The following ZNF618 variants were observed in gnomAD, a reference collection of about 807,000 sequenced individuals.
ZNF618 encodes the protein neural precursor cell expressed, developmentally down-regulated 10.
A neutral mutation model predicts 103.0 loss-of-function variants in ZNF618; 34 were observed. That is an observed-to-expected ratio of 0.33 (90% CI 0.25 to 0.44). The LOEUF is 0.44. Ranked by LOEUF, ZNF618 falls within the 20% of genes least tolerant of loss-of-function variation. The pLI is 1.00. For missense variants in ZNF618, 1,059 were observed against 1,295.4 expected (o/e 0.82, Z 2.80); for synonymous variants, 551 against 542.2 (o/e 1.02, Z -0.23).
intron 13 of ZNF618, among the ~76,000 whole-genome samples, chr9:114,046,251 T>C (rs149079729): frequency 4.6e-5 from 7 of 152,318 alleles, no homozygotes; most frequent in African/African-American, 1.7e-4. Context: ...AATACAGTCA[T>C]GCACCACATG....
At chr9:114,030,528 C>G (rs1305344542) in intron 11 of ZNF618, among the ~76,000 whole-genome samples, 3 of 152,172 alleles carry the variant, frequency 2.0e-5, no homozygotes, top group African/African-American at 7.2e-5. Flanking sequence ...GCTTCAGTGT[C>G]TCTGAGTAGG....
rs1398432181 is a variant in ZNF618, at chr9:114,054,980, G to GT, written c.*4814dup. The GT allele has an allele frequency of 2.3e-5, 3 of 129,658 alleles. No homozygotes were observed. Among genetic ancestry groups the GT allele is most frequent in the Non-Finnish European group, 4.6e-5 (3 of 65,218 alleles). 8.0% of individuals were successfully genotyped at this position (129,658 alleles called of 1,614,324 possible). ...CCCACCACGGGTGTCGCTTTAAAGA[G>GT]TCAATTCTTGTACAGAGAAGGATTT... On this transcript the variant is annotated 3_prime_UTR_variant, in exon 15 of 15. Transcript: ENST00000374126.
intron 1 of ZNF618, among the ~76,000 whole-genome samples, chr9:113,919,814 G>A (rs1398773209): frequency 1.3e-5 from 2 of 152,248 alleles, no homozygotes; most frequent in Non-Finnish European, 2.9e-5. Flanking sequence ...GTCCAAAAAA[G>A]GGAAGTGACT....
intron 13 of ZNF618, among the ~76,000 whole-genome samples, chr9:114,041,442 T>C (rs918186110): frequency 1.6e-4 from 24 of 152,244 alleles, no homozygotes; most frequent in African/African-American, 5.3e-4. Flanking sequence ...GGTTTCCTTC[T>C]AGGGTTTTTA....
chr9:114,016,990 G>A (rs994439477), intron 10 of ZNF618: 7 of 572,950 alleles, frequency 1.2e-5, no homozygotes, highest in Non-Finnish European at 1.5e-5. Context: ...TTAAGCCAGA[G>A]CAGAGTCCGA....
chr9:113,945,165 A>G (rs1209047637), intron 1 of ZNF618, among the ~76,000 whole-genome samples: 1 of 152,078 alleles, frequency 6.6e-6, no homozygotes, highest in Non-Finnish European at 1.5e-5. Flanking sequence ...AACACCTTCC[A>G]GCCTCTGAGC....
At chr9:113,904,099 T>A (rs1017763165) in intron 1 of ZNF618, among the ~76,000 whole-genome samples, 2 of 150,620 alleles carry the variant, frequency 1.3e-5, no homozygotes, top group Non-Finnish European at 3.0e-5. Flanking sequence ...ATTTTTTCCA[T>A]CTTTTATTTT....
At chr9:113,925,672 T>C (rs1833027829) in intron 1 of ZNF618, among the ~76,000 whole-genome samples, 1 of 152,122 alleles carries the variant, frequency 6.6e-6, no homozygotes, top group African/African-American at 2.4e-5. Flanking sequence ...CAATTATTTT[T>C]TAAAAATAGT....
intron 10 of ZNF618, among the ~76,000 whole-genome samples, chr9:114,027,409 A>G (rs1450068372): frequency 6.6e-6 from 1 of 152,218 alleles, no homozygotes; most frequent in Non-Finnish European, 1.5e-5. Flanking sequence ...TGCTCCCAGC[A>G]CGTGGCCACC....
intron 13 of ZNF618, among the ~76,000 whole-genome samples, chr9:114,046,860 C>T (rs755268615): frequency 6.6e-6 from 1 of 152,180 alleles, no homozygotes; most frequent in South Asian, 2.1e-4. Context: ...TATGTTTAAT[C>T]AACTATATTC....
chr9:113,903,011 G>A (rs1274039610), intron 1 of ZNF618, among the ~76,000 whole-genome samples: 4 of 152,186 alleles, frequency 2.6e-5, no homozygotes, highest in South Asian at 2.1e-4. Context: ...TGGAATTTAG[G>A]ATAGAATGAA....
intron 1 of ZNF618, among the ~76,000 whole-genome samples, chr9:113,943,789 G>A (rs566050381): frequency 1.3e-5 from 2 of 152,264 alleles, no homozygotes; most frequent in Non-Finnish European, 2.9e-5. Flanking sequence ...CCCTGCCCTG[G>A]CCTCGGCTGT....
At chr9:114,041,690 C>A (rs945656253) in intron 13 of ZNF618, among the ~76,000 whole-genome samples, 2 of 152,078 alleles carry the variant, frequency 1.3e-5, no homozygotes, top group African/African-American at 4.8e-5. Context: ...TGGTCTATAT[C>A]TCTGTTTTGG....
chr9:114,023,909 C>T (rs1843277280), intron 10 of ZNF618, among the ~76,000 whole-genome samples: 1 of 152,070 alleles, frequency 6.6e-6, no homozygotes. Flanking sequence ...TTAGCAATTT[C>T]ATTATTTGTG....
chr9:113,886,899 T>C (rs1436332259), intron 1 of ZNF618, among the ~76,000 whole-genome samples: 4 of 151,250 alleles, frequency 2.6e-5, no homozygotes, highest in Admixed American at 1.3e-4. Flanking sequence ...CAGGTTGAAA[T>C]GATATTTTAC....
rs1179542461 is a variant in ZNF618 at position 113,951,575 on chromosome 9, ATATGTG to A, written c.34-17540_34-17535del. Among the ~76,000 whole-genome samples, 9 of 24,096 alleles carry A rather than the reference ATATGTG, an allele frequency of 3.7e-4. 2 individuals carry two copies. The highest frequency in any genetic ancestry group is 9.9e-4 in the Non-Finnish European group (9 of 9,068). The allele number at this position is 24,096 out of a possible 152,430, so 15.8% of individuals were successfully genotyped here. A position where few individuals can be genotyped will look rare whatever the true frequency, so the allele number is the denominator to read the frequency against. On this transcript the variant is annotated intron_variant, in intron 1 of 14. Coordinates refer to ENST00000374126, the MANE Select transcript of ZNF618 (RefSeq NM_001318042.2). ...TATGTGTGTGTATATGTGTGTGTGT[ATATGTG>A]TGTGTGTGTGTGTGTGTATATATAT...
chr9:114,035,383 G>A, intron 12 of ZNF618: 1 of 434,048 alleles, frequency 2.3e-6, no homozygotes, highest in Non-Finnish European at 3.1e-6. Flanking sequence ...GTGGAGGCAG[G>A]CCGAGGTCCA....
intron 2 of ZNF618, among the ~76,000 whole-genome samples, chr9:113,970,165 AAGAGAGAGCC>A (rs1437472297): frequency 6.6e-6 from 1 of 152,240 alleles, no homozygotes; most frequent in Admixed American, 6.5e-5. Flanking sequence ...TGTGCTTGAG[AAGAGAGAGCC>A]AGAGAGAGAG....
intron 1 of ZNF618, among the ~76,000 whole-genome samples, chr9:113,890,158 A>G (rs529777916): frequency 2.0e-5 from 3 of 152,118 alleles, no homozygotes; most frequent in Admixed American, 2.0e-4. Context: ...CTCCACTTCC[A>G]TTTTTTTCCC....
Sources: gnomAD v4.1 joint callset for allele counts (sites outside exome capture counted in the v4.1 genomes callset) on GRCh38, gnomAD v4.1.1 for gene constraint, MANE v1.5 for transcripts, NCBI Gene and HGNC (gene_info 2026-07-23, HGNC 2026-07-21) for gene names.